The following OR9A4 variants were observed in gnomAD, a reference collection of about 807,000 sequenced individuals.
OR9A4 encodes the protein olfactory receptor 9A4.
OR9A4 carries 16 observed loss-of-function variants against 17.1 expected under a neutral mutation model. The observed-to-expected ratio is 0.94, with a 90% CI of 0.64 to 1.43. The LOEUF (loss-of-function observed/expected upper bound fraction) is 1.43. Ranked by LOEUF, OR9A4 falls within the 40% of genes most tolerant of loss-of-function variation. The probability of loss-of-function intolerance (pLI) is 0.00; values close to 1 mark genes in which losing one functional copy is unlikely to be tolerated. For missense variants in OR9A4, 392 were observed against 382.1 expected, an observed-to-expected ratio of 1.03 and a Z score of -0.22; for synonymous variants, 167 against 143.3, an observed-to-expected ratio of 1.17 and a Z score of -1.18.
rs547853244 is a variant in OR9A4, at chr7:141,919,989, G to C, written c.*169G>C. On this transcript the variant is annotated 3_prime_UTR_variant, in exon 2 of 2. Transcript: ENST00000641559. ...GCTACGGTTTTTAGTATGCTTAGTT[G>C]TTACTTGAAACTCAGTCTATTATTT... The C allele has an allele frequency of 1.8e-6, 1 of 550,046 alleles. No individual in the cohort carries two copies. The highest frequency in any genetic ancestry group is 1.9e-5 in the African/African-American group (1 of 53,192). 34.1% of individuals were successfully genotyped at this position (550,046 alleles called of 1,614,324 possible).
At position 141,919,846 on chromosome 7, in the gene OR9A4, T is replaced by C. The variant is rs1554439191; in HGVS notation, c.*26T>C. On this transcript the variant is annotated 3_prime_UTR_variant, in exon 2 of 2. Transcript: ENST00000641559. Reference sequence around the variant, plus strand: ...CCTTGCTCTGAGGACTTTTACATGGTAAAGCACTTAGTATGGATTCTAGAA... The same window carrying C: ...CCTTGCTCTGAGGACTTTTACATGGCAAAGCACTTAGTATGGATTCTAGAA... The C allele has an allele frequency of 2.6e-6, 4 of 1,520,766 alleles. No homozygotes were observed. The highest frequency in any genetic ancestry group is 3.6e-6 in the Non-Finnish European group (4 of 1,114,204). The allele number at this position is 1,520,766 out of a possible 1,614,324, so 94.2% of individuals were successfully genotyped here.
rs1554439163 is a variant in OR9A4 at position 141,919,730 on chromosome 7, C to T, written c.855C>T (p.Leu285=). Reference sequence around the variant, plus strand: ...TGGTTTCAGTAGTAACTCCTTTCCTCAATCCTTTCATCTTCACCCTCCGGA... The same window carrying T: ...TGGTTTCAGTAGTAACTCCTTTCCTTAATCCTTTCATCTTCACCCTCCGGA... ...SLMVSVVTPF[L]NPFIFTLRND... is the part of the protein sequence containing the mutation. Residue 285 remains leucine, a synonymous_variant, in exon 2 of 2, where the codon CTC becomes CTT. Transcript: ENST00000641559. 50 of 1,614,050 alleles carry T rather than the reference C, an allele frequency of 3.1e-5. No individual in the cohort carries two copies. Among genetic ancestry groups the T allele is most frequent in the Non-Finnish European group, 4.2e-5 (50 of 1,180,028 alleles).
chr7:141,919,679 T>C lies in OR9A4; in HGVS notation c.804T>C (p.Ala268=), dbSNP rs782626768. ...LYVKPKQTQA[A]DYNWVVSLMV... ...TGAAACCCAAGCAAACGCAGGCAGC[T>C]GATTACAATTGGGTAGTTTCCCTGA... The change falls in exon 2 of 2, where the codon GCT becomes GCC. Residue 268 remains alanine (A), a synonymous_variant. Transcript: ENST00000641559. 6.8e-6 allele frequency: 11 copies of C among 1,614,054 alleles called. No homozygotes were observed. In the Admixed American group the frequency reaches 1.5e-4, roughly 22 times the overall value.
chr7:141,916,787 A>T lies in OR9A4; in HGVS notation c.-31+151A>T, dbSNP rs566363588. ...GAGTTGCATAGAGGATGAGCTCTAC[A>T]GCAAAGCCTGTCTCCAGAGCAGAGG... On this transcript the variant is annotated intron_variant, in intron 1 of 1. Transcript: ENST00000641559. Among the ~76,000 whole-genome samples, 41 of 152,290 alleles carry T rather than the reference A, an allele frequency of 2.7e-4. No individual in the cohort carries two copies. In the South Asian group the frequency reaches 8.1e-3, roughly 30 times the overall value.
At chr7:141,917,390 C>G (rs1213260436) in intron 1 of OR9A4, among the ~76,000 whole-genome samples, 1 of 152,114 alleles carries the variant, frequency 6.6e-6, no homozygotes, top group Non-Finnish European at 1.5e-5. Context: ...GGGAAGGAGT[C>G]CAGACATTCT....
rs1425304253 is a variant in OR9A4 at position 141,919,654 on chromosome 7, T to A, written c.779T>A (p.Val260Glu). 4 of 1,614,036 alleles carry A rather than the reference T, an allele frequency of 2.5e-6. No homozygotes were observed. In the East Asian group the frequency reaches 8.9e-5, roughly 36 times the overall value. ...TACGGCAGCTGCTTGTTTCTCTACG[T>A]GAAACCCAAGCAAACGCAGGCAGCT... ...IGYGSCLFLYVKPKQTQAADY... is the reference protein window; with the variant it reads ...IGYGSCLFLYEKPKQTQAADY... Residue 260 changes from valine to glutamate, a missense_variant, in exon 2 of 2, where the codon GTG becomes GAG. Physicochemically the swap from Val to Glu is moderately radical, Grantham distance 121 (BLOSUM62 -2). Transcript: ENST00000641559.
Position 141,919,760 on chromosome 7 carries a change from TA to T in OR9A4, c.888del (p.Val297SerfsTer2), listed in dbSNP as rs781906688. 6.2e-7 allele frequency: 1 copy of T among 1,614,082 alleles called. No individual in the cohort carries two copies. Among genetic ancestry groups the T allele is most frequent in the Non-Finnish European group, 8.5e-7 (1 of 1,180,032 alleles). The part of the protein sequence containing the change: ...NPFIFTLRND[K>X]VIEALRDGVK... ...CTTTCATCTTCACCCTCCGGAATGA[TA>T]AAGTCATAGAGGCCCTTCGGGATGG... On this transcript the variant is annotated frameshift_variant, in exon 2 of 2. Coordinates refer to ENST00000641559, the MANE Select transcript of OR9A4 (RefSeq NM_001001656.3). LOFTEE classifies it high-confidence loss of function.
At position 141,919,527 on chromosome 7, in the gene OR9A4, A is replaced by G; in HGVS notation, c.652A>G (p.Asn218Asp). The part of the protein sequence containing the change: ...FGSLIPTIVS[N>D]AYIISTILKI... ...TTCTTTGATCCCTACAATTGTCTCC[A>G]ACGCCTACATCATCTCCACCATTCT... is the stretch of plus-strand genomic sequence containing the variant. The change falls in exon 2 of 2, where the codon AAC becomes GAC. Residue 218 changes from asparagine (N) to aspartate (D), a missense_variant. Coordinates refer to ENST00000641559, the MANE Select transcript of OR9A4 (RefSeq NM_001001656.3). 6.2e-7 allele frequency: 1 copy of G among 1,614,076 alleles called. No individual in the cohort carries two copies. The highest frequency in any genetic ancestry group is 8.5e-7 in the Non-Finnish European group (1 of 1,180,026).
In OR9A4 at chr7:141,917,465, A is replaced by G. The variant is rs555510223; in HGVS notation, c.-31+829A>G. On this transcript the variant is annotated intron_variant, in intron 1 of 1. Coordinates refer to ENST00000641559, the MANE Select transcript of OR9A4 (RefSeq NM_001001656.3). ...TTTTTGTTGCCCCAGGACTCTGGAG[A>G]AAACAGGTGGTCACGGAGGAGCAGA... Among the ~76,000 whole-genome samples the G allele has an allele frequency of 3.2e-4, 48 of 152,232 alleles. 1 individual carries two copies. The South Asian group carries it at 9.7e-3, about 31-fold the overall frequency.
chr7:141,919,502 T>C lies in OR9A4; in HGVS notation c.627T>C (p.Gly209=). The C allele has an allele frequency of 6.2e-7, 1 of 1,614,180 alleles. No homozygotes were observed. Among genetic ancestry groups the C allele is most frequent in the African/African-American group, 1.3e-5 (1 of 75,042 alleles). Residue 209 remains glycine (G), a synonymous_variant, in exon 2 of 2, where the codon GGT becomes GGC. Coordinates refer to ENST00000641559, the MANE Select transcript of OR9A4 (RefSeq NM_001001656.3). ...TAATGGCTGTTTTTGTTCTCTTTGG[T>C]TCTTTGATCCCTACAATTGTCTCCA... ...LFLMAVFVLF[G]SLIPTIVSNA...
chr7:141,919,812 AG>A lies in OR9A4; in HGVS notation c.939del (p.Asn314IlefsTer11). 6.2e-7 allele frequency: 1 copy of A among 1,608,610 alleles called. No homozygotes were observed. Among genetic ancestry groups the A allele is most frequent in the Non-Finnish European group, 8.5e-7 (1 of 1,176,360 alleles). ...GGTGAAACGCTGCTGTCAACTATTC[AG>A]GAATTAGCCTTGCTCTGAGGACTTT... ...DGVKRCCQLF[R>X]N is the part of the protein sequence containing the mutation. On this transcript the variant is annotated frameshift_variant, in exon 2 of 2. Coordinates refer to ENST00000641559, the MANE Select transcript of OR9A4 (RefSeq NM_001001656.3). LOFTEE classifies it high-confidence loss of function.
Position 141,920,062 on chromosome 7 carries a change from TTAAGA to T in OR9A4, c.*245_*249del, listed in dbSNP as rs1802257317. The T allele has an allele frequency of 2.4e-6, 1 of 416,642 alleles. No individual in the cohort carries two copies. The highest frequency in any genetic ancestry group is 3.8e-5 in the East Asian group (1 of 26,284). 25.8% of individuals were successfully genotyped at this position (416,642 alleles called of 1,614,324 possible). ...GCTATCTATCTATCATCTGCCTTTC[TTAAGA>T]TATGATGATTTCACAATTAAACTTT... On this transcript the variant is annotated 3_prime_UTR_variant, in exon 2 of 2. Coordinates refer to ENST00000641559, the MANE Select transcript of OR9A4 (RefSeq NM_001001656.3).
rs550899690 is a variant in OR9A4 at position 141,919,976 on chromosome 7, AG to A, written c.*157del. ...CTTTTAAGTTACAGCTACGGTTTTTAGTATGCTTAGTTGTTACTTGAAACTC... is the reference window on the plus strand; with the variant it reads ...CTTTTAAGTTACAGCTACGGTTTTTATATGCTTAGTTGTTACTTGAAACTC... On this transcript the variant is annotated 3_prime_UTR_variant, in exon 2 of 2. Transcript: ENST00000641559. The A allele has an allele frequency of 6.3e-5, 37 of 587,512 alleles. No individual in the cohort carries two copies. The South Asian group carries it at 9.2e-4, about 15-fold the overall frequency. 36.4% of individuals were successfully genotyped at this position (587,512 alleles called of 1,614,324 possible). A position where few individuals can be genotyped will look rare whatever the true frequency, so the allele number is the denominator to read the frequency against.
In OR9A4 at chr7:141,920,501, A is replaced by C. The variant is rs993638468; in HGVS notation, c.*681A>C. ...AACATTCCAGGCATAGTGAGTAATA[A>C]GTGAGAGATCCTAGGGAAGGCATAA... On this transcript the variant is annotated 3_prime_UTR_variant, in exon 2 of 2. Transcript: ENST00000641559. 3 of 152,368 alleles carry C rather than the reference A, an allele frequency of 2.0e-5. No homozygotes were observed. In the South Asian group the frequency reaches 6.2e-4, roughly 32 times the overall value. The allele number at this position is 152,368 out of a possible 1,614,324, so 9.4% of individuals were successfully genotyped here. A position where few individuals can be genotyped will look rare whatever the true frequency, so the allele number is the denominator to read the frequency against.
chr7:141,919,295 C>A lies in OR9A4; in HGVS notation c.420C>A (p.Thr140=). 1.2e-6 allele frequency: 2 copies of A among 1,614,152 alleles called. No homozygotes were observed. Among genetic ancestry groups the A allele is most frequent in the Non-Finnish European group, 1.7e-6 (2 of 1,180,036 alleles). The change falls in exon 2 of 2, where the codon ACC becomes ACA. Residue 140 remains threonine (T), a synonymous_variant. Transcript: ENST00000641559. ...LRYNIIMNRH[T]CNFVVLVSWV... ...ACAACATCATTATGAACAGACACAC[C>A]TGCAACTTTGTGGTTCTTGTGTCAT...
intron 1 of OR9A4, among the ~76,000 whole-genome samples, chr7:141,916,852 A>G (rs892880166): frequency 9.2e-5 from 14 of 152,178 alleles, no homozygotes; most frequent in African/African-American, 3.4e-4. Context: ...GGCGAGAGGC[A>G]CAATGCTCTG....
At chr7:141,918,752 T>C (rs1439884013) in intron 1 of OR9A4, 94 bp from the exon 2 acceptor site, 1 of 677,152 alleles carries the variant, frequency 1.5e-6, no homozygotes, top group East Asian at 2.5e-5. Flanking sequence ...AGTCAGGTTA[T>C]GGAGTTGAGG....
Position 141,918,552 on chromosome 7 carries a change from C to T in OR9A4, c.-30-294C>T, listed in dbSNP as rs1213168344. On this transcript the variant is annotated intron_variant, in intron 1 of 1. Coordinates refer to ENST00000641559, the MANE Select transcript of OR9A4 (RefSeq NM_001001656.3). ...TGATCATGGAAGCAGACAGGGTGGC[C>T]GGTGAGAGCAGAGTTGGAGGCAGAT... Among the ~76,000 whole-genome samples, 6 of 152,028 alleles carry T rather than the reference C, an allele frequency of 3.9e-5. No individual in the cohort carries two copies. The South Asian group carries it at 6.2e-4, about 16-fold the overall frequency.
At position 141,920,443 on chromosome 7, in the gene OR9A4, T is replaced by A. The variant is rs1297623138; in HGVS notation, c.*623T>A. 1.3e-5 allele frequency: 2 copies of A among 152,052 alleles called. No individual in the cohort carries two copies. The highest frequency in any genetic ancestry group is 4.8e-5 in the African/African-American group (2 of 41,298). The allele number at this position is 152,052 out of a possible 1,614,324, so 9.4% of individuals were successfully genotyped here. A position where few individuals can be genotyped will look rare whatever the true frequency, so the allele number is the denominator to read the frequency against. ...GTTTTCAGGGAAGGATTGAGAGAGG[T>A]AAGGTGGTGATACATTCGGAAACTT... On this transcript the variant is annotated 3_prime_UTR_variant, in exon 2 of 2. Coordinates refer to ENST00000641559, the MANE Select transcript of OR9A4 (RefSeq NM_001001656.3).
Sources: allele counts gnomAD v4.1 joint callset (sites outside exome capture counted in the v4.1 genomes callset), GRCh38; gene constraint gnomAD v4.1.1; transcripts MANE v1.5; gene names NCBI Gene and HGNC (gene_info 2026-07-23, HGNC 2026-07-21).